Variants in SYNE1 observed in about 807,000 individuals in gnomAD.
SYNE1 encodes the protein spectrin repeat containing nuclear envelope protein 1.
A neutral mutation model predicts 1,111.0 loss-of-function variants in SYNE1; 616 were observed. The observed-to-expected ratio is 0.55, with a 90% CI of 0.52 to 0.59. The LOEUF (loss-of-function observed/expected upper bound fraction) is 0.59. Among genes scored for constraint, SYNE1 ranks in the 20% least tolerant of loss-of-function variants. SYNE1 has a pLI of 0.00. For missense variants in SYNE1, 10,006 were observed against 10,417.0 expected (o/e 0.96, Z 1.72); for synonymous variants, 3,855 against 3,825.8 (o/e 1.01, Z -0.28).
chr6:152,281,877 G>C lies in SYNE1; in HGVS notation c.18311C>G (p.Ala6104Gly), dbSNP rs375173027. The change falls in exon 97 of 146, where the codon GCC becomes GGC. Residue 6104 changes from alanine (A) to glycine (G), a missense_variant. Ala to Gly is a moderately conservative substitution (Grantham distance 60). Transcript: ENST00000367255. ...TGGACTCAGCGCAGTGTCCAGAGTGGCCTTGGTACTCAAGAGCCAGCTGTC... is the reference window on the plus strand; with the variant it reads ...TGGACTCAGCGCAGTGTCCAGAGTGCCCTTGGTACTCAAGAGCCAGCTGTC... ...ELDSWLLSTK[A>G]TLDTALSPPK... 6.2e-7 allele frequency: 1 copy of C among 1,614,030 alleles called. No individual in the cohort carries two copies. The highest frequency in any genetic ancestry group is 1.3e-5 in the African/African-American group (1 of 74,912).
At chr6:152,137,914 T>C (rs2057436939) in intron 140 of SYNE1, among the ~76,000 whole-genome samples, 1 of 152,196 alleles carries the variant, frequency 6.6e-6, no homozygotes. Context: ...TTTTTTCTTG[T>C]CATGCCGGAT....
intron 72 of SYNE1, 98 bp downstream of exon 72, chr6:152,350,069 TG>T: frequency 6.9e-7 from 1 of 1,446,410 alleles, no homozygotes; most frequent in Non-Finnish European, 9.7e-7. Flanking sequence ...GAGATGCACC[TG>T]TGTGTGCACC....
chr6:152,483,174 C>A lies in SYNE1; in HGVS notation c.1261G>T (p.Ala421Ser). The change falls in exon 14 of 146, where the codon GCG (alanine) becomes TCG (serine). Residue 421 changes from alanine (A) to serine (S), a missense_variant. By Grantham distance (99) the Ala-to-Ser change is moderately conservative. Coordinates refer to ENST00000367255, the MANE Select transcript of SYNE1 (RefSeq NM_182961.4). Reference protein sequence around the residue: ...LGTIGAWLYRAEVALREEITV... With the variant: ...LGTIGAWLYRSEVALREEITV... ...ATTTCCTCTCTCAGGGCCACCTCCG[C>A]TCTGTACAGCCAGGCACCTATGGTG... 2 of 1,614,188 alleles carry A rather than the reference C, an allele frequency of 1.2e-6. No homozygotes were observed. Among genetic ancestry groups the A allele is most frequent in the Non-Finnish European group, 1.7e-6 (2 of 1,180,024 alleles).
At chr6:152,370,008 A>AAAAAAT (rs2097152373) in intron 59 of SYNE1, among the ~76,000 whole-genome samples, 1 of 147,740 alleles carries the variant, frequency 6.8e-6, no homozygotes. Flanking sequence ...AAAAAAAAAA[A>AAAAAAT]TTCCACAAAA....
chr6:152,619,073 A>ACACACACACACAG (rs2099669152), intron 3 of SYNE1, among the ~76,000 whole-genome samples: 2 of 130,756 alleles, frequency 1.5e-5, no homozygotes, highest in African/African-American at 5.6e-5. Flanking sequence ...CACACACACA[A>ACACACACACACAG]AGTGTAATAT....
At chr6:152,200,792 C>G (rs138868204) in intron 127 of SYNE1, among the ~76,000 whole-genome samples, 3 of 152,190 alleles carry the variant, frequency 2.0e-5, no homozygotes, top group Admixed American at 6.5e-5. Flanking sequence ...CAAGATAGTA[C>G]TTCTTTCACT....
chr6:152,139,838 A>C, intron 140 of SYNE1, 112 bp downstream of exon 140: 1 of 1,116,536 alleles, frequency 9.0e-7, no homozygotes, highest in Non-Finnish European at 1.3e-6. Context: ...TTTTTGTTAG[A>C]TCCCTTTTCT....
Position 152,148,054 on chromosome 6 carries a change from C to T in SYNE1, c.24967G>A (p.Gly8323Ser), listed in dbSNP as rs1315008947. The T allele has an allele frequency of 5.0e-6, 8 of 1,613,934 alleles. No homozygotes were observed. Among genetic ancestry groups the T allele is most frequent in the East Asian group, 2.2e-5 (1 of 44,872 alleles). ...DKDFYLRGAV[G>S]LSGDHSALES... is the part of the protein sequence containing the mutation. ...AGAGGCTCTTTCCTACCTGATAAGCCAACAGCTCCCCGGAGGTAGAAATCT... is the reference window on the plus strand; with the variant it reads ...AGAGGCTCTTTCCTACCTGATAAGCTAACAGCTCCCCGGAGGTAGAAATCT... Residue 8323 changes from glycine (G) to serine (S), a missense_variant, in exon 137 of 146, where the codon GGC (glycine) becomes AGC (serine). By Grantham distance (56) the Gly-to-Ser change is moderately conservative (BLOSUM62 0). Transcript: ENST00000367255. The surrounding 1 kb of genome is among the most constrained non-coding windows in gnomAD (Gnocchi z 4.1).
At chr6:152,401,032 A>T in intron 47 of SYNE1, 106 bp downstream of exon 47, 1 of 1,127,592 alleles carries the variant, frequency 8.9e-7, no homozygotes, top group Non-Finnish European at 1.3e-6. Context: ...TCTGGTGTTC[A>T]TATGGGTAAC....
At chr6:152,287,541 C>T (rs574859446) in intron 95 of SYNE1, among the ~76,000 whole-genome samples, 8 of 152,056 alleles carry the variant, frequency 5.3e-5, no homozygotes, top group Non-Finnish European at 1.2e-4. Context: ...TTGCAGCATA[C>T]TTTATTATTA....
intron 3 of SYNE1, among the ~76,000 whole-genome samples, chr6:152,565,186 T>C (rs925175529): frequency 1.3e-5 from 2 of 152,132 alleles, no homozygotes; most frequent in Admixed American, 1.3e-4. Flanking sequence ...TCCTTTTGCC[T>C]CCACTAGCTT....
chr6:152,184,857 T>C (rs1394727301), intron 128 of SYNE1, among the ~76,000 whole-genome samples: 1 of 152,120 alleles, frequency 6.6e-6, no homozygotes, highest in African/African-American at 2.4e-5. Context: ...TTTGTACATC[T>C]AGTATTTAGT....
At chr6:152,556,107 G>A (rs1303255409) in intron 3 of SYNE1, among the ~76,000 whole-genome samples, 1 of 152,116 alleles carries the variant, frequency 6.6e-6, no homozygotes, top group Non-Finnish European at 1.5e-5. Flanking sequence ...CAGCAAGATG[G>A]CATAATAGCA....
chr6:152,543,812 C>T (rs2099288641), intron 3 of SYNE1, among the ~76,000 whole-genome samples: 1 of 152,156 alleles, frequency 6.6e-6, no homozygotes, highest in East Asian at 1.9e-4. Context: ...CCATGTGCTA[C>T]AATTGCTTAC....
In SYNE1 at chr6:152,373,274, T is replaced by A; in HGVS notation, c.9325-55A>T. ...ATGAAAATATTGTGTGTTGTTTCTA[T>A]TTTTTCTTTTCTTTTTTTTTTTTGA... On this transcript the variant is annotated intron_variant, in intron 58 of 145. Coordinates refer to ENST00000367255, the MANE Select transcript of SYNE1 (RefSeq NM_182961.4). The A allele has an allele frequency of 2.0e-6, 3 of 1,516,764 alleles. No homozygotes were observed. The East Asian group carries it at 6.9e-5, about 35-fold the overall frequency. The allele number at this position is 1,516,764 out of a possible 1,614,324, so 94.0% of individuals were successfully genotyped here.
At chr6:152,487,877 C>A (rs949037096) in intron 12 of SYNE1, among the ~76,000 whole-genome samples, 1 of 152,010 alleles carries the variant, frequency 6.6e-6, no homozygotes, top group East Asian at 1.9e-4. Flanking sequence ...AGATTGAGAC[C>A]ATCCTGGCTA....
chr6:152,601,720 C>T (rs533893498), intron 3 of SYNE1, among the ~76,000 whole-genome samples: 6 of 152,194 alleles, frequency 3.9e-5, no homozygotes, highest in African/African-American at 7.2e-5. Flanking sequence ...GGAATCTAAC[C>T]GGAGTTGCAG....
At chr6:152,342,551 G>A (rs551123527) in intron 74 of SYNE1, among the ~76,000 whole-genome samples, 172 of 152,244 alleles carry the variant, frequency 1.1e-3, no homozygotes, top group African/African-American at 3.3e-3. Flanking sequence ...AGTATACTTC[G>A]GGGGACAAAT....
chr6:152,493,125 T>C (rs2098980238), intron 11 of SYNE1, among the ~76,000 whole-genome samples: 1 of 152,034 alleles, frequency 6.6e-6, no homozygotes, highest in South Asian at 2.1e-4. Flanking sequence ...CTCTACTCCC[T>C]CCCTAGCAAT....
Sources: gnomAD v4.1 joint callset for allele counts (sites outside exome capture counted in the v4.1 genomes callset) on GRCh38, gnomAD v4.1.1 for gene constraint, Gnocchi (gnomAD v3.1) non-coding constraint, MANE v1.5 for transcripts, NCBI Gene and HGNC (gene_info 2026-07-23, HGNC 2026-07-21) for gene names.